Variants in SLC37A3 observed in about 807,000 individuals in gnomAD.
SLC37A3 encodes the protein sugar phosphate exchanger 3.
A neutral mutation model predicts 67.1 loss-of-function variants in SLC37A3; 51 were observed. The observed-to-expected ratio is 0.76, with a 90% confidence interval of 0.61 to 0.96. SLC37A3 has a LOEUF of 0.96. SLC37A3 is among the 40% of genes least tolerant of loss of function. The pLI is 0.00. For missense variants in SLC37A3, 508 were observed against 603.0 expected (o/e 0.84, Z 1.65); for synonymous variants, 214 against 231.4 (o/e 0.92, Z 0.68).
chr7:140,358,920 G>A (rs1191475163), intron 5 of SLC37A3, 135 bp from the exon 6 acceptor site: 2 of 1,118,360 alleles, frequency 1.8e-6, no homozygotes, highest in Admixed American at 4.2e-5. Flanking sequence ...TAAGTCACGT[G>A]GCCAGCATCA....
chr7:140,362,600 G>A (rs1183377954), intron 5 of SLC37A3, among the ~76,000 whole-genome samples: 4 of 82,512 alleles, frequency 4.8e-5, no homozygotes, highest in African/African-American at 8.7e-5. Context: ...GGTGAGGGGC[G>A]CCTCTGCCCG....
At chr7:140,387,735 A>ATT (rs1447784609) in intron 1 of SLC37A3, among the ~76,000 whole-genome samples, 5 of 4,152 alleles carry the variant, frequency 1.2e-3, no homozygotes, top group South Asian at 0.012. Context: ...ATATAAATAT[A>ATT]CTATATATTA....
intron 3 of SLC37A3, among the ~76,000 whole-genome samples, chr7:140,376,832 G>A (rs1433150285): frequency 6.6e-6 from 1 of 152,040 alleles, no homozygotes; most frequent in Non-Finnish European, 1.5e-5. Flanking sequence ...GGAGTGCAGT[G>A]GCACAACCAT....
chr7:140,354,272 G>A (rs946661738), intron 7 of SLC37A3, among the ~76,000 whole-genome samples: 3 of 152,294 alleles, frequency 2.0e-5, no homozygotes, highest in South Asian at 2.1e-4. Context: ...CTCAGTGTGC[G>A]TAGTTGTAAT....
chr7:140,396,153 G>A (rs1798920024), intron 1 of SLC37A3, among the ~76,000 whole-genome samples: 1 of 151,648 alleles, frequency 6.6e-6, no homozygotes, highest in African/African-American at 2.4e-5. Flanking sequence ...CAAAGTTGCT[G>A]GGACTACAGG....
intron 7 of SLC37A3, among the ~76,000 whole-genome samples, chr7:140,354,746 T>A (rs1008573949): frequency 1.3e-5 from 2 of 150,580 alleles, no homozygotes. Context: ...TGGTGTTTTT[T>A]TTTTTTTTTT....
chr7:140,394,096 G>A (rs966641765), intron 1 of SLC37A3, among the ~76,000 whole-genome samples: 16 of 152,072 alleles, frequency 1.1e-4, no homozygotes, highest in East Asian at 1.9e-4. Context: ...GCTTGAACCC[G>A]GTAGGTGGAG....
intron 5 of SLC37A3, among the ~76,000 whole-genome samples, chr7:140,360,717 G>C (rs377586637): frequency 7.2e-6 from 1 of 138,038 alleles, no homozygotes; most frequent in Non-Finnish European, 1.5e-5. Flanking sequence ...TTGGGTGACA[G>C]AGCAAGACTC....
At chr7:140,387,588 C>G (rs1357771674) in intron 1 of SLC37A3, among the ~76,000 whole-genome samples, 2 of 137,122 alleles carry the variant, frequency 1.5e-5, no homozygotes, top group East Asian at 4.0e-4. Flanking sequence ...GCACTCCAGC[C>G]TGGGCAAAAG....
At chr7:140,371,057 G>A (rs192677059) in intron 3 of SLC37A3, among the ~76,000 whole-genome samples, 17 of 152,326 alleles carry the variant, frequency 1.1e-4, no homozygotes, top group Admixed American at 2.0e-4. Flanking sequence ...AACCCCAGGA[G>A]CTTAGGGAAG....
At chr7:140,347,644 G>A (rs576611961) in intron 10 of SLC37A3, among the ~76,000 whole-genome samples, 1 of 151,866 alleles carries the variant, frequency 6.6e-6, no homozygotes, top group South Asian at 2.1e-4. Flanking sequence ...ATTATTGAAG[G>A]TTATTAAGAT....
At chr7:140,382,636 G>A in intron 1 of SLC37A3, 40 bp from the exon 2 acceptor site, 1 of 893,718 alleles carries the variant, frequency 1.1e-6, no homozygotes, top group Non-Finnish European at 1.7e-6. Flanking sequence ...ATTAAACATA[G>A]GCAGAGTATC....
chr7:140,362,141 C>G (rs1473035150), intron 5 of SLC37A3, among the ~76,000 whole-genome samples: 1 of 137,052 alleles, frequency 7.3e-6, no homozygotes. Context: ...ATCTAGGAAG[C>G]GAGGAGCGCC....
chr7:140,370,684 T>A (rs575764304), intron 3 of SLC37A3: 2 of 152,332 alleles, frequency 1.3e-5, no homozygotes, highest in East Asian at 3.9e-4. Context: ...TATATGTGTT[T>A]GTCAAAAATT....
chr7:140,377,804 G>A (rs1798091297), intron 3 of SLC37A3, among the ~76,000 whole-genome samples: 1 of 152,176 alleles, frequency 6.6e-6, no homozygotes, highest in Admixed American at 6.5e-5. Flanking sequence ...GCTGAGGCAG[G>A]AGGATCGTTT....
In SLC37A3 at chr7:140,391,756, C is replaced by A. The variant is rs571963923; in HGVS notation, c.-71+6660G>T. On this transcript the variant is annotated intron_variant, in intron 1 of 14. Coordinates refer to ENST00000326232, the MANE Select transcript of SLC37A3 (RefSeq NM_207113.3). ...CCCTCCTGAGCAAGTAACTCACAAT[C>A]TTCCTGCACCCAGTAATCACCAGAC... is the stretch of plus-strand genomic sequence containing the variant. Among the ~76,000 whole-genome samples, 5 of 152,290 alleles carry A rather than the reference C, an allele frequency of 3.3e-5. 1 individual carries two copies. Among genetic ancestry groups the A allele is most frequent in the African/African-American group, 1.2e-4 (5 of 41,572 alleles).
intron 1 of SLC37A3, among the ~76,000 whole-genome samples, chr7:140,387,696 TATATAA>T (rs1372573613): frequency 1.1e-5 from 1 of 93,440 alleles, no homozygotes; most frequent in South Asian, 3.2e-4. Flanking sequence ...TTATATATAT[TATATAA>T]ATATAAATAT....
intron 6 of SLC37A3, 101 bp from the exon 7 acceptor site, chr7:140,355,865 C>A: frequency 1.1e-6 from 1 of 902,442 alleles, no homozygotes; most frequent in East Asian, 2.5e-5. Context: ...TGCATACTAC[C>A]AAGACTAAAC....
chr7:140,361,721 G>C (rs1454894164), intron 5 of SLC37A3, among the ~76,000 whole-genome samples: 1 of 147,022 alleles, frequency 6.8e-6, no homozygotes, highest in Non-Finnish European at 1.5e-5. Context: ...ACTGGTTTTC[G>C]TTTTTTTTTT....
Sources: gnomAD v4.1 joint callset for allele counts (sites outside exome capture counted in the v4.1 genomes callset) on GRCh38, gnomAD v4.1.1 for gene constraint, MANE v1.5 for transcripts, NCBI Gene and HGNC (gene_info 2026-07-23, HGNC 2026-07-21) for gene names.